IRAK2: variants seen among roughly 807,000 people sequenced by gnomAD.
The protein encoded by IRAK2 is interleukin 1 receptor associated kinase 2, also known as interleukin-1 receptor-associated kinase-like 2.
IRAK2 carries 57 observed loss-of-function variants against 72.0 expected under a neutral mutation model. The observed-to-expected ratio is 0.79, with a 90% CI of 0.64 to 0.99. The LOEUF (loss-of-function observed/expected upper bound fraction) is 0.99, where lower values mean the gene tolerates loss of function less well. IRAK2 is among the 50% of genes least tolerant of loss of function. IRAK2 has a pLI of 0.00. For synonymous variants in IRAK2, 293 were observed against 312.7 expected, an observed-to-expected ratio of 0.94 and a Z score of 0.67; for missense variants, 790 against 794.4, an observed-to-expected ratio of 0.99 and a Z score of 0.07.
chr3:10,185,239 G>T (rs942122730), intron 2 of IRAK2, among the ~76,000 whole-genome samples: 1 of 151,272 alleles, frequency 6.6e-6, no homozygotes, highest in African/African-American at 2.5e-5. Flanking sequence ...TTCCCCAGAT[G>T]ATTCTGATGC....
chr3:10,216,018 C>A (rs957398703), intron 6 of IRAK2, among the ~76,000 whole-genome samples: 17 of 151,946 alleles, frequency 1.1e-4, no homozygotes, highest in Non-Finnish European at 1.5e-5. Context: ...TATGCAAAAG[C>A]GAGTAATAGG....
intron 1 of IRAK2, among the ~76,000 whole-genome samples, chr3:10,165,529 G>T (rs1211088610): frequency 2.6e-5 from 4 of 151,984 alleles, no homozygotes; most frequent in Admixed American, 2.0e-4. Flanking sequence ...GAGTTTCGCT[G>T]TTGTTGCCCA....
At chr3:10,184,919 AGTAGAG>A (rs1464057823) in intron 2 of IRAK2, among the ~76,000 whole-genome samples, 1 of 149,136 alleles carries the variant, frequency 6.7e-6, no homozygotes, top group African/African-American at 2.5e-5. Flanking sequence ...TTTTATTTTT[AGTAGAG>A]ACGGGGTTTC....
intron 11 of IRAK2, among the ~76,000 whole-genome samples, chr3:10,237,405 G>T (rs1697980408): frequency 6.6e-6 from 1 of 152,100 alleles, no homozygotes; most frequent in African/African-American, 2.4e-5. Context: ...TGGGTTTGAT[G>T]GTCACCTTTG....
intron 9 of IRAK2, among the ~76,000 whole-genome samples, chr3:10,226,077 C>T (rs1697771505): frequency 6.6e-6 from 1 of 151,994 alleles, no homozygotes; most frequent in African/African-American, 2.4e-5. Flanking sequence ...TTTATCTATA[C>T]CTATATATAT....
At chr3:10,205,817 T>C (rs1009270729) in intron 3 of IRAK2, among the ~76,000 whole-genome samples, 5 of 152,194 alleles carry the variant, frequency 3.3e-5, no homozygotes, top group Non-Finnish European at 7.3e-5. Flanking sequence ...AGGTGACTCA[T>C]AGTGAGGTGG....
At chr3:10,169,898 G>T (rs713023) in intron 1 of IRAK2, among the ~76,000 whole-genome samples, 1 of 152,022 alleles carries the variant, frequency 6.6e-6, no homozygotes, top group Non-Finnish European at 1.5e-5. Context: ...AAAGACAGAC[G>T]TAAGAAATTA....
At chr3:10,238,175 C>T (rs1697996072) in intron 11 of IRAK2, among the ~76,000 whole-genome samples, 1 of 152,068 alleles carries the variant, frequency 6.6e-6, no homozygotes, top group Non-Finnish European at 1.5e-5. Context: ...AATGAATGAA[C>T]TTAGTGTCTC....
At position 10,236,536 on chromosome 3, in the gene IRAK2, T is replaced by TG. The variant is rs1187364580; in HGVS notation, c.1473+1881dup. ...CTAATTTTTGTATTTTTAGTAGAGA[T>TG]GGGGTTTCACTATGTTGGCCAAGCT... On this transcript the variant is annotated intron_variant, in intron 11 of 12. Coordinates refer to ENST00000256458, the MANE Select transcript of IRAK2 (RefSeq NM_001570.4). 6.6e-5 allele frequency among the ~76,000 whole-genome samples: 10 copies of TG among 151,794 alleles called. No homozygotes were observed. In the South Asian group the frequency reaches 1.7e-3, roughly 25 times the overall value.
chr3:10,219,611 C>T (rs11465909), intron 7 of IRAK2, 69 bp from the exon 8 acceptor site: 365,849 of 1,203,750 alleles, frequency 0.3, 63,841 homozygotes, highest in Non-Finnish European at 0.36. Context: ...AGCCACCGCA[C>T]CTGGCTGCCA....
At chr3:10,181,924 C>A (rs1251480683) in intron 2 of IRAK2, among the ~76,000 whole-genome samples, 2 of 152,088 alleles carry the variant, frequency 1.3e-5, no homozygotes, top group East Asian at 1.9e-4. Flanking sequence ...CATTCCAATG[C>A]CCTATTCCTG....
intron 2 of IRAK2, 130 bp from the exon 3 acceptor site, chr3:10,200,239 C>T (rs547061627): frequency 1.9e-5 from 15 of 773,872 alleles, no homozygotes; most frequent in South Asian, 6.3e-5. Context: ...AAGACCCTCC[C>T]GCCCTGCAAC....
intron 5 of IRAK2, 28 bp downstream of exon 5, chr3:10,213,429 G>C (rs1023650457): frequency 7.4e-6 from 12 of 1,612,580 alleles, no homozygotes; most frequent in Non-Finnish European, 1.0e-5. Context: ...TCTAGTGGGG[G>C]TGGAGGCTGC....
chr3:10,234,525 G>A lies in IRAK2; in HGVS notation c.1339G>A (p.Glu447Lys), dbSNP rs1387452834. 3.7e-6 allele frequency: 6 copies of A among 1,614,048 alleles called. No individual in the cohort carries two copies. Among genetic ancestry groups the A allele is most frequent in the Admixed American group, 3.3e-5 (2 of 60,012 alleles). The change falls in exon 11 of 13, where the codon GAG becomes AAG. Residue 447 changes from glutamate (E) to lysine (K), a missense_variant. Coordinates refer to ENST00000256458, the MANE Select transcript of IRAK2 (RefSeq NM_001570.4). Reference sequence around the variant, plus strand: ...GCTCTGCTCCAGGAAGACGGGCGTGGAGAACGTGATGGCAAAGGAGATCTG... The same window carrying A: ...GCTCTGCTCCAGGAAGACGGGCGTGAAGAACGTGATGGCAAAGGAGATCTG... ...ASLCSRKTGV[E>K]NVMAKEICQK...
chr3:10,213,195 C>T lies in IRAK2; in HGVS notation c.529-12C>T, dbSNP rs769996077. 1.9e-6 allele frequency: 3 copies of T among 1,611,736 alleles called. No homozygotes were observed. Among genetic ancestry groups the T allele is most frequent in the African/African-American group, 2.7e-5 (2 of 74,810 alleles). On this transcript the variant is annotated splice_polypyrimidine_tract_variant and intron_variant, in intron 4 of 12. Transcript: ENST00000256458. Reference sequence around the variant, plus strand: ...CCATAGTAATCTCCATCTCTTCTCTCTGGGTCTCCAGGACTTCAGCACCTC... The same window carrying T: ...CCATAGTAATCTCCATCTCTTCTCTTTGGGTCTCCAGGACTTCAGCACCTC...
Position 10,239,048 on chromosome 3 carries a change from G to C in IRAK2, c.1765+9G>C, listed in dbSNP as rs774248551. On this transcript the variant is annotated intron_variant, in intron 12 of 12. Transcript: ENST00000256458. ...GGAGCCTCCCCAGGATGGTAAGCCG[G>C]AAGTCAGAGTGCATTTGGATGCTCA... 15 of 1,575,048 alleles carry C rather than the reference G, an allele frequency of 9.5e-6. No individual in the cohort carries two copies. In the South Asian group the frequency reaches 1.7e-4, roughly 18 times the overall value.
chr3:10,200,733 C>T (rs1313787913), intron 3 of IRAK2, among the ~76,000 whole-genome samples: 1 of 151,982 alleles, frequency 6.6e-6, no homozygotes, highest in Non-Finnish European at 1.5e-5. Context: ...CTTTTCTCTA[C>T]AAAAAATTTT....
At chr3:10,206,989 G>C (rs1458021995) in intron 3 of IRAK2, among the ~76,000 whole-genome samples, 1 of 152,018 alleles carries the variant, frequency 6.6e-6, no homozygotes, top group Non-Finnish European at 1.5e-5. Context: ...AAGTAGCTGG[G>C]ATTACAGGCA....
chr3:10,167,757 A>C (rs1696720409), intron 1 of IRAK2, among the ~76,000 whole-genome samples: 1 of 151,998 alleles, frequency 6.6e-6, no homozygotes, highest in East Asian at 1.9e-4. Flanking sequence ...GTATGGATAT[A>C]CTACATTTCA....
Sources: allele counts gnomAD v4.1 joint callset (sites outside exome capture counted in the v4.1 genomes callset), GRCh38; gene constraint gnomAD v4.1.1; transcripts MANE v1.5; gene names NCBI Gene and HGNC (gene_info 2026-07-23, HGNC 2026-07-21).